The following TMEM68 variants were observed in gnomAD, a reference collection of about 807,000 sequenced individuals.
The protein encoded by TMEM68 is transmembrane protein 68.
In TMEM68, 25 loss-of-function variants were observed where a neutral mutation model predicts 36.9. That is an observed-to-expected ratio of 0.68 (90% confidence interval 0.49 to 0.95). The LOEUF (loss-of-function observed/expected upper bound fraction) is 0.95, where lower values mean the gene tolerates loss of function less well. Among genes scored for constraint, TMEM68 ranks in the 40% least tolerant of loss-of-function variants. The probability of loss-of-function intolerance (pLI) is 0.00; values close to 1 mark genes in which losing one functional copy is unlikely to be tolerated. For missense variants in TMEM68, 333 were observed against 392.0 expected (o/e 0.85, Z 1.27); for synonymous variants, 131 against 124.4 (o/e 1.05, Z -0.35).
At chr8:55,748,968 G>A (rs6995712) in intron 5 of TMEM68, among the ~76,000 whole-genome samples, 130,189 of 151,794 alleles carry the variant, frequency 0.86, 55,997 homozygotes, top group East Asian at 0.99. Flanking sequence ...GAGACATTGT[G>A]AAAGTTACTT....
At chr8:55,742,239 G>A (rs992200384) in intron 7 of TMEM68, among the ~76,000 whole-genome samples, 1 of 152,168 alleles carries the variant, frequency 6.6e-6, no homozygotes, top group South Asian at 2.1e-4. Context: ...AGGAGCTGGA[G>A]GAAGGGGAAA....
chr8:55,768,312 T>C (rs1028666202), intron 1 of TMEM68, among the ~76,000 whole-genome samples: 6 of 151,598 alleles, frequency 4.0e-5, no homozygotes, highest in African/African-American at 7.3e-5. Flanking sequence ...TGGGAGAAAA[T>C]GAATTGGAAA....
chr8:55,756,779 A>G (rs1810621102), intron 3 of TMEM68, among the ~76,000 whole-genome samples: 1 of 152,110 alleles, frequency 6.6e-6, no homozygotes, highest in Non-Finnish European at 1.5e-5. Context: ...GAGGGGGAAG[A>G]GAGGAGGCAA....
chr8:55,754,707 T>TATATATATATTATATATAAAATACATAC (rs1810533579), intron 4 of TMEM68, among the ~76,000 whole-genome samples: 1 of 123,542 alleles, frequency 8.1e-6, no homozygotes, highest in East Asian at 2.0e-4. Context: ...AATACATACT[T>TATATATATATTATATATAAAATACATAC]ATATATATAT....
At chr8:55,761,694 T>C (rs1438638769) in intron 3 of TMEM68, 1 of 152,196 alleles carries the variant, frequency 6.6e-6, no homozygotes. Context: ...AAAAAATTTG[T>C]AGGTTCGTTA....
intron 2 of TMEM68, chr8:55,763,334 C>T (rs1223546283): frequency 6.3e-6 from 1 of 158,268 alleles, no homozygotes; most frequent in East Asian, 1.8e-4. Flanking sequence ...ATTTGACTCA[C>T]ATCTTAATTG....
chr8:55,772,286 T>C (rs754708661), intron 1 of TMEM68, among the ~76,000 whole-genome samples: 19 of 152,250 alleles, frequency 1.2e-4, no homozygotes, highest in Non-Finnish European at 2.5e-4. Flanking sequence ...AGTTTTTATA[T>C]AGTTCTGAAG....
In TMEM68 at chr8:55,757,294, G is replaced by C. The variant is rs571645605; in HGVS notation, c.326-883C>G. 1.2e-3 allele frequency among the ~76,000 whole-genome samples: 183 copies of C among 152,292 alleles called. 1 individual carries two copies. Among genetic ancestry groups the C allele is most frequent in the African/African-American group, 4.2e-3 (173 of 41,552 alleles). On this transcript the variant is annotated intron_variant, in intron 3 of 7. Transcript: ENST00000434581. The stretch of plus-strand genomic sequence containing the variant: ...CCCTCTAAGGAAAGACAAAAACTGA[G>C]AATGGGAGGAAGAGGCAGATGCCAT...
intron 1 of TMEM68, among the ~76,000 whole-genome samples, chr8:55,768,810 C>T (rs921495941): frequency 1.3e-5 from 2 of 151,684 alleles, no homozygotes; most frequent in African/African-American, 4.8e-5. Context: ...CATGCCACTG[C>T]ACTCCAGCCT....
At chr8:55,767,765 C>T (rs1811016900) in intron 1 of TMEM68, among the ~76,000 whole-genome samples, 1 of 152,038 alleles carries the variant, frequency 6.6e-6, no homozygotes, top group African/African-American at 2.4e-5. Context: ...TGGAGAAACC[C>T]CGTCTCTACC....
At chr8:55,767,277 C>T (rs968059938) in intron 1 of TMEM68, among the ~76,000 whole-genome samples, 3 of 152,124 alleles carry the variant, frequency 2.0e-5, no homozygotes, top group African/African-American at 7.2e-5. Context: ...CACTTATAAG[C>T]ATTAACTATT....
In TMEM68 at chr8:55,739,725, G is replaced by A. The variant is rs1242784692; in HGVS notation, c.*407C>T. 6.4e-6 allele frequency: 1 copy of A among 155,512 alleles called. No individual in the cohort carries two copies. The highest frequency in any genetic ancestry group is 1.4e-5 in the Non-Finnish European group (1 of 70,430). 9.6% of individuals were successfully genotyped at this position (155,512 alleles called of 1,614,324 possible). ...GGGAATGAGGGGCAGACAACAGCAT[G>A]TTTTTTCTAACTTAAACAACTATAC... is the stretch of plus-strand genomic sequence containing the variant. On this transcript the variant is annotated 3_prime_UTR_variant, in exon 8 of 8. Coordinates refer to ENST00000434581, the MANE Select transcript of TMEM68 (RefSeq NM_001286657.2).
Position 55,772,101 on chromosome 8 carries a change from AACCGTGCAGCACTCTT to A in TMEM68, c.-115+1152_-115+1167del, listed in dbSNP as rs1455129689. Among the ~76,000 whole-genome samples the A allele has an allele frequency of 6.6e-5, 10 of 152,070 alleles. No homozygotes were observed. In the East Asian group the frequency reaches 1.7e-3, roughly 26 times the overall value. ...TGCACATCTATACTGGTATATCTGT[AACCGTGCAGCACTCTT>A]ACCTTCTTGAACCAACAAAATCAGC... On this transcript the variant is annotated intron_variant, in intron 1 of 7. Transcript: ENST00000434581.
intron 4 of TMEM68, among the ~76,000 whole-genome samples, chr8:55,754,466 T>TATATACAC (rs1346601089): frequency 1.3e-4 from 16 of 118,946 alleles, no homozygotes; most frequent in African/African-American, 5.8e-4. Flanking sequence ...TATATATATA[T>TATATACAC]ACACACACAC....
At chr8:55,741,238 A>G (rs959020248) in intron 7 of TMEM68, among the ~76,000 whole-genome samples, 1 of 152,152 alleles carries the variant, frequency 6.6e-6, no homozygotes, top group African/African-American at 2.4e-5. Flanking sequence ...GTCTCAAAAC[A>G]AAACAAAACA....
intron 4 of TMEM68, among the ~76,000 whole-genome samples, chr8:55,754,143 C>T (rs1221546131): frequency 6.6e-6 from 1 of 150,650 alleles, no homozygotes; most frequent in Non-Finnish European, 1.5e-5. Flanking sequence ...CACATATGGC[C>T]AGCTAGGCAT....
intron 7 of TMEM68, among the ~76,000 whole-genome samples, chr8:55,742,589 G>C (rs1810136374): frequency 6.6e-6 from 1 of 151,874 alleles, no homozygotes; most frequent in Non-Finnish European, 1.5e-5. Flanking sequence ...GCCCAGGCTG[G>C]AGTGCAGTGG....
chr8:55,772,713 G>A (rs1364121274), intron 1 of TMEM68, among the ~76,000 whole-genome samples: 1 of 152,180 alleles, frequency 6.6e-6, no homozygotes, highest in Non-Finnish European at 1.5e-5. Context: ...GTGATCAAAG[G>A]TAAGCTCAGA....
intron 3 of TMEM68, among the ~76,000 whole-genome samples, chr8:55,758,132 G>A (rs555398793): frequency 6.6e-6 from 1 of 152,304 alleles, no homozygotes; most frequent in East Asian, 1.9e-4. Context: ...AGGACTGAAG[G>A]TGGAGCAGAA....
Sources: allele counts gnomAD v4.1 joint callset (sites outside exome capture counted in the v4.1 genomes callset), GRCh38; gene constraint gnomAD v4.1.1; transcripts MANE v1.5; gene names NCBI Gene and HGNC (gene_info 2026-07-23, HGNC 2026-07-21).